Variants in STARD13 observed in about 807,000 individuals in gnomAD.
The protein encoded by STARD13 is stAR-related lipid transfer protein 13.
Under a neutral mutation model 106.4 loss-of-function variants are expected in STARD13, and 62 were observed. The ratio of observed to expected loss-of-function variants is 0.58; its 90% CI spans 0.48 to 0.72. The LOEUF (loss-of-function observed/expected upper bound fraction) is 0.72, where lower values mean the gene tolerates loss of function less well. Ranked by LOEUF, STARD13 falls within the 30% of genes least tolerant of loss-of-function variation. STARD13 has a pLI of 0.00. For missense variants in STARD13, 1,387 were observed against 1,424.0 expected, an observed-to-expected ratio of 0.97 and a Z score of 0.42; for synonymous variants, 565 against 553.0, an observed-to-expected ratio of 1.02 and a Z score of -0.31.
intron 1 of STARD13, among the ~76,000 whole-genome samples, chr13:33,214,982 T>A (rs1887946246): frequency 6.6e-6 from 1 of 151,990 alleles, no homozygotes; most frequent in Admixed American, 6.6e-5. Flanking sequence ...TTTGGAAGCA[T>A]TAGGTTCTAC....
At chr13:33,579,556 C>G in the STARD13 span, among the ~76,000 whole-genome samples, 1 of 151,560 alleles carries the variant, frequency 6.6e-6, no homozygotes, top group Non-Finnish European at 1.5e-5. Context: ...GACAGGTGCA[C>G]TAAAATCTCA....
chr13:33,478,843 G>A, the STARD13 span, among the ~76,000 whole-genome samples: 3 of 152,154 alleles, frequency 2.0e-5, no homozygotes, highest in Non-Finnish European at 4.4e-5. Flanking sequence ...TTAAGCTCTG[G>A]AAGTCAAGGC....
chr13:33,406,851 G>A, the STARD13 span, among the ~76,000 whole-genome samples: 324 of 152,192 alleles, frequency 2.1e-3, no homozygotes, highest in African/African-American at 7.6e-3. Context: ...CCTCAGCCAG[G>A]CACGGGTGCA....
At chr13:33,610,845 T>C in the STARD13 span, 1 of 152,470 alleles carries the variant, frequency 6.6e-6, no homozygotes, top group Non-Finnish European at 1.5e-5. Flanking sequence ...CAGGGTCGCC[T>C]GCTCACGTCC....
downstream of STARD13, among the ~76,000 whole-genome samples, chr13:33,345,524 T>C (rs1405342421): frequency 6.6e-6 from 1 of 152,106 alleles, no homozygotes; most frequent in Non-Finnish European, 1.5e-5. Context: ...AACTAAACAA[T>C]TACCATCATT....
chr13:33,260,753 G>T (rs1890599368), intron 1 of STARD13, among the ~76,000 whole-genome samples: 1 of 152,164 alleles, frequency 6.6e-6, no homozygotes, highest in African/African-American at 2.4e-5. Context: ...TTACATAAAA[G>T]AATTCATAAG....
At chr13:33,316,806 T>G (rs1893358212) in intron 1 of STARD13, among the ~76,000 whole-genome samples, 1 of 152,186 alleles carries the variant, frequency 6.6e-6, no homozygotes, top group Non-Finnish European at 1.5e-5. Flanking sequence ...CAGGCATTTG[T>G]CCCCACCGTT....
the STARD13 span, among the ~76,000 whole-genome samples, chr13:33,609,244 A>T: frequency 6.6e-6 from 1 of 152,152 alleles, no homozygotes; most frequent in Non-Finnish European, 1.5e-5. Flanking sequence ...AATTTATTTT[A>T]AAAACTCTGC....
the STARD13 span, among the ~76,000 whole-genome samples, chr13:33,675,696 T>C: frequency 6.6e-6 from 1 of 152,144 alleles, no homozygotes; most frequent in South Asian, 2.1e-4. Context: ...GTATATCTGA[T>C]AAAGGCAAAG....
rs1249793698 is a variant in STARD13, at chr13:33,103,823, A to G, written c.*1770T>C. On this transcript the variant is annotated 3_prime_UTR_variant, in exon 14 of 14. Transcript: ENST00000336934. The stretch of plus-strand genomic sequence containing the variant: ...GTTGATGCATATAAAGTAATCTGGC[A>G]TATATGGTTAAATTCAAGATGTTAT... 4.6e-5 allele frequency: 7 copies of G among 152,240 alleles called. No individual in the cohort carries two copies. 9.4% of individuals were successfully genotyped at this position (152,240 alleles called of 1,614,324 possible).
the STARD13 span, among the ~76,000 whole-genome samples, chr13:33,565,449 CTA>C: frequency 1.4e-5 from 2 of 147,702 alleles, no homozygotes; most frequent in East Asian, 2.0e-4. Flanking sequence ...ACATGTACAA[CTA>C]TGTGTTAATA....
At chr13:33,641,295 G>A in the STARD13 span, among the ~76,000 whole-genome samples, 1 of 151,880 alleles carries the variant, frequency 6.6e-6, no homozygotes, top group African/African-American at 2.4e-5. Context: ...TGTCAACGCT[G>A]CTTTCAAACT....
intron 1 of STARD13, among the ~76,000 whole-genome samples, chr13:33,291,436 A>G (rs1356703508): frequency 6.6e-6 from 1 of 152,188 alleles, no homozygotes; most frequent in Non-Finnish European, 1.5e-5. Context: ...TATCTACTCT[A>G]AGCTTAGAGC....
the STARD13 span, among the ~76,000 whole-genome samples, chr13:33,487,177 T>A: frequency 6.6e-5 from 10 of 152,218 alleles, no homozygotes; most frequent in Non-Finnish European, 1.2e-4. Flanking sequence ...GAAGATCAAA[T>A]GAAATCATCC....
At chr13:33,642,841 A>G in the STARD13 span, among the ~76,000 whole-genome samples, 1 of 96,728 alleles carries the variant, frequency 1.0e-5, no homozygotes, top group Non-Finnish European at 1.8e-5. Flanking sequence ...AACAAACATT[A>G]AAAAAAAAAA....
the STARD13 span, among the ~76,000 whole-genome samples, chr13:33,673,197 G>A: frequency 2.0e-5 from 3 of 152,310 alleles, no homozygotes; most frequent in South Asian, 2.1e-4. Context: ...AGAATATCAC[G>A]TGTTTAATAT....
intron 1 of STARD13, among the ~76,000 whole-genome samples, chr13:33,251,589 A>C (rs1416952414): frequency 6.6e-6 from 1 of 152,240 alleles, no homozygotes; most frequent in Non-Finnish European, 1.5e-5. Flanking sequence ...TCATTATGTC[A>C]GTCCCACATA....
intron 1 of STARD13, among the ~76,000 whole-genome samples, chr13:33,203,080 A>G (rs1887161335): frequency 6.6e-6 from 1 of 152,204 alleles, no homozygotes; most frequent in Non-Finnish European, 1.5e-5. Flanking sequence ...CCTCCCAACC[A>G]CCTCGTGCTA....
the STARD13 span, among the ~76,000 whole-genome samples, chr13:33,390,215 T>C: frequency 6.6e-6 from 1 of 152,180 alleles, no homozygotes; most frequent in Non-Finnish European, 1.5e-5. Context: ...AAAAGTATTC[T>C]CATCTTTGAT....
Sources: gnomAD v4.1 joint callset for allele counts (sites outside exome capture counted in the v4.1 genomes callset) on GRCh38, gnomAD v4.1.1 for gene constraint, MANE v1.5 for transcripts, NCBI Gene and HGNC (gene_info 2026-07-23, HGNC 2026-07-21) for gene names.